The following ZNF516 variants were observed in gnomAD, a reference collection of about 807,000 sequenced individuals.
The protein encoded by ZNF516 is zinc finger protein 516.
A neutral mutation model predicts 79.7 loss-of-function variants in ZNF516; 19 were observed. That is an observed-to-expected ratio of 0.24 (90% CI 0.17 to 0.35). The LOEUF (loss-of-function observed/expected upper bound fraction) is 0.35. Ranked by LOEUF, ZNF516 falls within the 10% of genes least tolerant of loss-of-function variation. The probability of loss-of-function intolerance (pLI) is 1.00; values close to 1 mark genes in which losing one functional copy is unlikely to be tolerated. For synonymous variants in ZNF516, 877 were observed against 739.5 expected (o/e 1.19, Z -3.02); for missense variants, 1,678 against 1,679.5 (o/e 1.00, Z 0.02).
At chr18:76,463,628 A>C (rs1425217908) in intron 1 of ZNF516, among the ~76,000 whole-genome samples, 1 of 151,824 alleles carries the variant, frequency 6.6e-6, no homozygotes, top group Non-Finnish European at 1.5e-5. Flanking sequence ...CCACCTACTC[A>C]CCTCCTCCGC....
intron 1 of ZNF516, among the ~76,000 whole-genome samples, chr18:76,471,256 A>G (rs1466361032): frequency 7.5e-6 from 1 of 132,510 alleles, no homozygotes; most frequent in African/African-American, 2.6e-5. Flanking sequence ...CTCCACACGG[A>G]AAAAAAAAAA....
chr18:76,405,366 T>C (rs1377888168), intron 3 of ZNF516, among the ~76,000 whole-genome samples: 1 of 152,044 alleles, frequency 6.6e-6, no homozygotes, highest in African/African-American at 2.4e-5. Context: ...CACCCCACAC[T>C]GCACACACCC....
chr18:76,370,396 A>C (rs1201718627), intron 6 of ZNF516, 132 bp downstream of exon 6: 1 of 892,972 alleles, frequency 1.1e-6, no homozygotes, highest in Non-Finnish European at 1.6e-6. Context: ...TTCCAAGTCA[A>C]AGCATATAGG....
rs558880144 is a variant in ZNF516, at chr18:76,494,897, C to G, written c.-272+247G>C. On this transcript the variant is annotated intron_variant, in intron 1 of 6. Coordinates refer to ENST00000443185, the MANE Select transcript of ZNF516 (RefSeq NM_014643.4). Reference sequence around the variant, plus strand: ...AAAACCACCTCCCGGGCGCTCGCCCCGCCGCCCGAAGTTGCATCTTCCCCT... The same window carrying G: ...AAAACCACCTCCCGGGCGCTCGCCCGGCCGCCCGAAGTTGCATCTTCCCCT... 9.6e-3 allele frequency among the ~76,000 whole-genome samples: 1,455 copies of G among 151,126 alleles called. 7 individuals are homozygous for G. The highest frequency in any genetic ancestry group is 0.045 in the Middle Eastern group (13 of 292).
chr18:76,441,744 C>T lies in ZNF516; in HGVS notation c.1311G>A (p.Gly437=), dbSNP rs1039190289. 11 of 1,572,900 alleles carry T rather than the reference C, an allele frequency of 7.0e-6. No homozygotes were observed. The highest frequency in any genetic ancestry group is 9.4e-6 in the Non-Finnish European group (11 of 1,164,984). Residue 437 remains glycine, a synonymous_variant, in exon 3 of 7, where the codon GGG becomes GGA. Coordinates refer to ENST00000443185, the MANE Select transcript of ZNF516 (RefSeq NM_014643.4). ...CCCCGGCCAGCGCCTCGTCCCAGGC[C>T]CCGTACTTGAGGTACTCGGCCGGCT... is the stretch of plus-strand genomic sequence containing the variant. ...VAEPAEYLKY[G]AWDEALAGDV...
At chr18:76,415,059 G>T (rs963200780) in intron 3 of ZNF516, among the ~76,000 whole-genome samples, 1 of 152,300 alleles carries the variant, frequency 6.6e-6, no homozygotes, top group Non-Finnish European at 1.5e-5. Context: ...TTAGCCAAGT[G>T]TAGTGGTACA....
intron 1 of ZNF516, chr18:76,492,488 C>T: frequency 1.9e-6 from 1 of 537,782 alleles, no homozygotes; most frequent in African/African-American, 2.1e-5. Flanking sequence ...TAGAATTTGC[C>T]AGGGACTAGG....
chr18:76,389,281 C>CAAAA (rs78796367), intron 3 of ZNF516: 1 of 115,364 alleles, frequency 8.7e-6, no homozygotes, highest in South Asian at 2.8e-4. Flanking sequence ...GCACATTCTC[C>CAAAA]AAAAAAAAAA....
intron 4 of ZNF516, among the ~76,000 whole-genome samples, chr18:76,377,878 G>C (rs989072626): frequency 6.6e-6 from 1 of 152,026 alleles, no homozygotes; most frequent in African/African-American, 2.4e-5. Context: ...ACCATGCCTG[G>C]CTAATTTTTG....
chr18:76,473,698 A>G (rs56898955), intron 1 of ZNF516, among the ~76,000 whole-genome samples: 50,339 of 151,498 alleles, frequency 0.33, 8,673 homozygotes, highest in South Asian at 0.55. Flanking sequence ...CTACTTGGGA[A>G]GCTGAGGCAA....
intron 3 of ZNF516, among the ~76,000 whole-genome samples, chr18:76,409,575 T>G (rs2075346788): frequency 6.6e-6 from 1 of 152,222 alleles, no homozygotes; most frequent in Non-Finnish European, 1.5e-5. Context: ...AGACTGTTCT[T>G]CTGGTAGGAA....
chr18:76,491,352 C>G lies in ZNF516; in HGVS notation c.-272+3792G>C, dbSNP rs1284280408. Among the ~76,000 whole-genome samples, 5 of 134,048 alleles carry G rather than the reference C, an allele frequency of 3.7e-5. No homozygotes were observed. In the East Asian group the frequency reaches 9.1e-4, roughly 24 times the overall value. The allele number at this position is 134,048 out of a possible 152,430, so 87.9% of individuals were successfully genotyped here. ...CCAACCCCGCGGCCTGCCCTTCCCC[C>G]CGCAGCCCCCTCTCTCCTCCTCCGG... On this transcript the variant is annotated intron_variant, in intron 1 of 6. Coordinates refer to ENST00000443185, the MANE Select transcript of ZNF516 (RefSeq NM_014643.4).
intron 1 of ZNF516, chr18:76,487,824 T>C (rs886542405): frequency 1.7e-6 from 1 of 586,574 alleles, no homozygotes; most frequent in Admixed American, 6.3e-5. Flanking sequence ...AAAAATGCTG[T>C]CTCCTCTATG....
At chr18:76,495,657 G>A, upstream of ZNF516, 6 of 1,105,664 alleles carry the variant, frequency 5.4e-6, no homozygotes, top group South Asian at 1.5e-5. Flanking sequence ...CCCGGCTCCC[G>A]GAGGCCGTTT....
At position 76,492,915 on chromosome 18, in the gene ZNF516, C is replaced by T. The variant is rs145024767; in HGVS notation, c.-272+2229G>A. On this transcript the variant is annotated intron_variant, in intron 1 of 6. Coordinates refer to ENST00000443185, the MANE Select transcript of ZNF516 (RefSeq NM_014643.4). Reference sequence around the variant, plus strand: ...TCACACATCTGTGTAAATGCAGAAGCCTGCGGATGCGCGGGGCTGGCCAGA... The same window carrying T: ...TCACACATCTGTGTAAATGCAGAAGTCTGCGGATGCGCGGGGCTGGCCAGA... 641 of 985,596 alleles carry T rather than the reference C, an allele frequency of 6.5e-4. 5 individuals are homozygous for T. In the African/African-American group the frequency reaches 0.01, roughly 16 times the overall value. 61.1% of individuals were successfully genotyped at this position (985,596 alleles called of 1,614,324 possible).
intron 3 of ZNF516, among the ~76,000 whole-genome samples, chr18:76,396,787 C>T (rs2075152470): frequency 6.6e-6 from 1 of 152,132 alleles, no homozygotes; most frequent in East Asian, 1.9e-4. Context: ...GAAGAGAGGC[C>T]ATTCCACTGA....
chr18:76,430,506 T>C (rs576594710), intron 3 of ZNF516, among the ~76,000 whole-genome samples: 22 of 152,214 alleles, frequency 1.4e-4, no homozygotes, highest in Non-Finnish European at 3.2e-4. Flanking sequence ...TTGGAATCAA[T>C]CACTGGATTA....
At chr18:76,401,874 A>ACCAACCACACCCCCGCGCCGCAC (rs1568262017) in intron 3 of ZNF516, among the ~76,000 whole-genome samples, 3 of 148,138 alleles carry the variant, frequency 2.0e-5, no homozygotes, top group Non-Finnish European at 4.5e-5. Context: ...CCCCTCCACT[A>ACCAACCACACCCCCGCGCCGCAC]CTGTTTATAG....
intron 3 of ZNF516, among the ~76,000 whole-genome samples, chr18:76,400,184 G>A (rs948200216): frequency 2.6e-5 from 4 of 152,162 alleles, no homozygotes; most frequent in Admixed American, 1.3e-4. Context: ...CCAAGAGGCC[G>A]ACTTGGGGCA....
Sources: gnomAD v4.1 joint callset for allele counts (sites outside exome capture counted in the v4.1 genomes callset) on GRCh38, gnomAD v4.1.1 for gene constraint, MANE v1.5 for transcripts, NCBI Gene and HGNC (gene_info 2026-07-23, HGNC 2026-07-21) for gene names.